PAPPA2: variants seen among roughly 807,000 people sequenced by gnomAD.
The protein encoded by PAPPA2 is pappalysin-2.
Under a neutral mutation model 176.4 loss-of-function variants are expected in PAPPA2, and 86 were observed. That is an observed-to-expected ratio of 0.49 (90% confidence interval 0.41 to 0.58). PAPPA2 has a LOEUF of 0.58. Among genes scored for constraint, PAPPA2 ranks in the 20% least tolerant of loss-of-function variants. The pLI is 0.00. For missense variants in PAPPA2, 2,073 were observed against 2,256.9 expected (o/e 0.92, Z 1.65); for synonymous variants, 809 against 852.2 (o/e 0.95, Z 0.88).
At chr1:176,537,154 T>A (rs1259905657) in intron 1 of PAPPA2, 2 of 152,204 alleles carry the variant, frequency 1.3e-5, no homozygotes. Context: ...TTATAGATTC[T>A]CCTAGACCTG....
intron 21 of PAPPA2, among the ~76,000 whole-genome samples, chr1:176,800,777 T>A (rs1665647916): frequency 6.6e-6 from 1 of 152,110 alleles, no homozygotes; most frequent in Admixed American, 6.5e-5. Context: ...TGGGCACCCC[T>A]TGTTTAAAAT....
At chr1:176,777,335 G>A (rs1452840698) in intron 17 of PAPPA2, among the ~76,000 whole-genome samples, 3 of 152,056 alleles carry the variant, frequency 2.0e-5, no homozygotes, top group African/African-American at 7.2e-5. Flanking sequence ...CTTTTGGTCC[G>A]CATGAACAGC....
chr1:176,774,799 G>GTT (rs1306940906), intron 17 of PAPPA2, among the ~76,000 whole-genome samples: 1 of 152,182 alleles, frequency 6.6e-6, no homozygotes, highest in East Asian at 1.9e-4. Context: ...TAGTTTCAGT[G>GTT]TCTGCACAAT....
intron 21 of PAPPA2, 131 bp downstream of exon 21, chr1:176,800,263 T>TAA: frequency 1.2e-6 from 1 of 827,142 alleles, no homozygotes. Context: ...CTTCTTAAAT[T>TAA]AAGTTGGTTC....
rs77303637 is a variant in PAPPA2 at position 176,482,281 on chromosome 1, G to A, written c.-917+18863G>A. 1.2e-3 allele frequency among the ~76,000 whole-genome samples: 184 copies of A among 152,288 alleles called. 3 individuals are homozygous for A. The highest frequency in any genetic ancestry group is 4.3e-3 in the African/African-American group (178 of 41,564). ...CAGTCTTTAGGTGTTCTGTGTAAAT[G>A]TCAGTCATAATGAATGCAGCTGCTT... On this transcript the variant is annotated intron_variant, in intron 1 of 22. Transcript: ENST00000367662.
At chr1:176,715,103 A>G (rs759359315) in intron 12 of PAPPA2, among the ~76,000 whole-genome samples, 8 of 152,062 alleles carry the variant, frequency 5.3e-5, no homozygotes, top group Non-Finnish European at 1.2e-4. Flanking sequence ...ATTCCACCTA[A>G]ACCCCCTGCC....
At chr1:176,752,334 G>A (rs1057257639) in intron 14 of PAPPA2, among the ~76,000 whole-genome samples, 2 of 88,692 alleles carry the variant, frequency 2.3e-5, no homozygotes, top group Non-Finnish European at 4.0e-5. Flanking sequence ...CTAAAACTTA[G>A]AGTATAATAA....
Position 176,843,022 on chromosome 1 carries a change from A to AT in PAPPA2, c.*574dup, listed in dbSNP as rs930595093. Reference sequence around the variant, plus strand: ...TATATAAATATATTATATATATTATATTTTTTGCTGTTTACTAAGCTAAAA... The same window carrying AT: ...TATATAAATATATTATATATATTATATTTTTTTGCTGTTTACTAAGCTAAAA... On this transcript the variant is annotated 3_prime_UTR_variant, in exon 23 of 23. Coordinates refer to ENST00000367662, the MANE Select transcript of PAPPA2 (RefSeq NM_020318.3). 2.1e-4 allele frequency: 32 copies of AT among 150,324 alleles called. No individual in the cohort carries two copies. The Middle Eastern group carries it at 0.011, about 50-fold the overall frequency. The allele number at this position is 150,324 out of a possible 1,614,324, so 9.3% of individuals were successfully genotyped here.
At chr1:176,559,549 C>T (rs1651535413) in intron 2 of PAPPA2, among the ~76,000 whole-genome samples, 1 of 152,222 alleles carries the variant, frequency 6.6e-6, no homozygotes, top group African/African-American at 2.4e-5. Context: ...CTGTGCTCTC[C>T]ATGCCTGAGA....
chr1:176,531,748 G>A (rs904364685), intron 1 of PAPPA2, among the ~76,000 whole-genome samples: 1 of 152,148 alleles, frequency 6.6e-6, no homozygotes, highest in East Asian at 1.9e-4. Flanking sequence ...AGATCCCCAG[G>A]ATTCTCTTCC....
intron 17 of PAPPA2, among the ~76,000 whole-genome samples, chr1:176,775,836 A>T (rs1664435362): frequency 6.6e-6 from 1 of 152,208 alleles, no homozygotes; most frequent in South Asian, 2.1e-4. Flanking sequence ...AAGATCCAGA[A>T]TAAGATTTTT....
intron 3 of PAPPA2, among the ~76,000 whole-genome samples, chr1:176,661,127 C>T (rs1658336345): frequency 6.6e-6 from 1 of 152,178 alleles, no homozygotes; most frequent in Non-Finnish European, 1.5e-5. Context: ...TTCTCTTTGT[C>T]GCATTATTCT....
intron 12 of PAPPA2, among the ~76,000 whole-genome samples, chr1:176,719,290 A>T (rs1661512424): frequency 6.6e-6 from 1 of 152,170 alleles, no homozygotes; most frequent in Admixed American, 6.5e-5. Flanking sequence ...AGTGAAACTA[A>T]TATTTAGTTC....
intron 2 of PAPPA2, among the ~76,000 whole-genome samples, chr1:176,584,229 CT>C (rs1653154231): frequency 6.6e-6 from 1 of 152,032 alleles, no homozygotes; most frequent in African/African-American, 2.4e-5. Flanking sequence ...GATATTACAT[CT>C]AGTTGATCTG....
Position 176,594,559 on chromosome 1 carries a change from A to G in PAPPA2, c.955A>G (p.Lys319Glu). 2.5e-6 allele frequency: 4 copies of G among 1,614,112 alleles called. No homozygotes were observed. Among genetic ancestry groups the G allele is most frequent in the Non-Finnish European group, 3.4e-6 (4 of 1,180,016 alleles). The change falls in exon 3 of 23, where the codon AAA becomes GAA. Residue 319 changes from lysine to glutamate, a missense_variant. Coordinates refer to ENST00000367662, the MANE Select transcript of PAPPA2 (RefSeq NM_020318.3). ...FDNCSHTVSD[K>E]GWALGIRSGK... ...TAACTGCTCCCACACTGTCAGTGAC[A>G]AAGGCTGGGCCCTGGGGATCCGCTC...
chr1:176,475,367 T>G (rs1258365100), intron 1 of PAPPA2, among the ~76,000 whole-genome samples: 3 of 151,954 alleles, frequency 2.0e-5, no homozygotes, highest in African/African-American at 7.2e-5. Context: ...TTTAATGGAG[T>G]GTTACTGAAA....
chr1:176,698,619 A>G (rs1030500141), intron 7 of PAPPA2, among the ~76,000 whole-genome samples: 5 of 152,332 alleles, frequency 3.3e-5, no homozygotes, highest in Admixed American at 2.0e-4. Flanking sequence ...AGTTCGTCTA[A>G]CCATCAGTTG....
intron 1 of PAPPA2, among the ~76,000 whole-genome samples, chr1:176,473,795 G>A (rs749876067): frequency 6.6e-5 from 10 of 152,258 alleles, no homozygotes; most frequent in Non-Finnish European, 5.9e-5. Flanking sequence ...GATGTTGAAC[G>A]TCTTTTCGTA....
At chr1:176,490,552 G>A (rs565017787) in intron 1 of PAPPA2, among the ~76,000 whole-genome samples, 1 of 152,216 alleles carries the variant, frequency 6.6e-6, no homozygotes, top group African/African-American at 2.4e-5. Flanking sequence ...GGCATACTTT[G>A]GTCCTAGGTT....
Sources: allele counts gnomAD v4.1 joint callset (sites outside exome capture counted in the v4.1 genomes callset), GRCh38; gene constraint gnomAD v4.1.1; transcripts MANE v1.5; gene names NCBI Gene and HGNC (gene_info 2026-07-23, HGNC 2026-07-21).